Variants in PPFIA4 observed in about 807,000 individuals in gnomAD.
PPFIA4 encodes PPFI scaffold protein A4.
In PPFIA4, 98 loss-of-function variants were observed where a neutral mutation model predicts 145.7. That is an observed-to-expected ratio of 0.67 (90% CI 0.57 to 0.80). The LOEUF (loss-of-function observed/expected upper bound fraction) is 0.80, where lower values mean the gene tolerates loss of function less well. PPFIA4 is among the 30% of genes least tolerant of loss of function. The pLI is 0.00. For missense variants in PPFIA4, 1,457 were observed against 1,632.7 expected (o/e 0.89, Z 1.85); for synonymous variants, 628 against 649.6 (o/e 0.97, Z 0.51).
intron 15 of PPFIA4, among the ~76,000 whole-genome samples, chr1:203,054,941 C>T (rs954680432): frequency 6.6e-6 from 1 of 151,944 alleles, no homozygotes; most frequent in African/African-American, 2.4e-5. Context: ...TGTGTGTGTG[C>T]GTGTGCATGC....
Position 203,075,715 on chromosome 1 carries a change from C to G in PPFIA4, c.3532C>G (p.Leu1178Val). The change falls in exon 29 of 30, where the codon CTG (leucine) becomes GTG (valine). Residue 1178 changes from leucine (L) to valine (V), a missense_variant. Around this residue, in one of 3 missense-constraint regions of PPFIA4, gnomAD observed 146 missense variants for 126.2 expected, o/e 1.16. Coordinates refer to ENST00000295706, the MANE Select transcript of PPFIA4 (RefSeq NM_001304331.2). This position sits in a 1 kb window ranked among gnomAD's most constrained non-coding sequence, Gnocchi z 4.1. Reference sequence around the variant, plus strand: ...CTTCCGTGTGTCCACCCTGGGGACCCTGCAGCCCCCACCGGCCCCGCCAAA... The same window carrying G: ...CTTCCGTGTGTCCACCCTGGGGACCGTGCAGCCCCCACCGGCCCCGCCAAA... ...AGFRVSTLGT[L>V]QPPPAPPKKI... 1 of 1,411,026 alleles carries G rather than the reference C, an allele frequency of 7.1e-7. No homozygotes were observed. The highest frequency in any genetic ancestry group is 9.3e-7 in the Non-Finnish European group (1 of 1,076,652). 87.4% of individuals were successfully genotyped at this position (1,411,026 alleles called of 1,614,324 possible). A position where few individuals can be genotyped will look rare whatever the true frequency, so the allele number is the denominator to read the frequency against.
intron 25 of PPFIA4, 129 bp downstream of exon 25, chr1:203,064,132 C>T (rs576746363): frequency 1.0e-6 from 1 of 990,678 alleles, no homozygotes. Flanking sequence ...CAGGTCTCCC[C>T]CTTGGGAAAG....
chr1:203,053,833 C>T lies in PPFIA4; in HGVS notation c.1701C>T (p.Asp567=), dbSNP rs765886645. The change falls in exon 15 of 30, where the codon GAC becomes GAT. Residue 567 remains aspartate (D), a synonymous_variant. Coordinates refer to ENST00000295706, the MANE Select transcript of PPFIA4 (RefSeq NM_001304331.2). The stretch of plus-strand genomic sequence containing the variant: ...TTGACAGTGACCCTGAGATCTCCGA[C>T]GTGGATGAGGATGAGCCAGGGGGTC... ...PAFDSDPEIS[D]VDEDEPGGLV... The T allele has an allele frequency of 5.2e-5, 81 of 1,553,976 alleles. No homozygotes were observed. The highest frequency in any genetic ancestry group is 6.6e-5 in the Non-Finnish European group (76 of 1,148,314).
chr1:203,048,103 G>A lies in PPFIA4; in HGVS notation c.1141-124G>A. The A allele has an allele frequency of 1.3e-6, 1 of 795,852 alleles. No homozygotes were observed. Among genetic ancestry groups the A allele is most frequent in the Admixed American group, 2.2e-5 (1 of 45,134 alleles). The allele number at this position is 795,852 out of a possible 1,614,324, so 49.3% of individuals were successfully genotyped here. A position where few individuals can be genotyped will look rare whatever the true frequency, so the allele number is the denominator to read the frequency against. ...TGCTCCAAGATGATAAGTGGAGGCT[G>A]AGCGTCACTGGTACTGGGGGCCATG... On this transcript the variant is annotated intron_variant, in intron 9 of 29. Coordinates refer to ENST00000295706, the MANE Select transcript of PPFIA4 (RefSeq NM_001304331.2). The surrounding 1 kb of genome is among the most constrained non-coding windows in gnomAD (Gnocchi z 5.8).
intron 27 of PPFIA4, among the ~76,000 whole-genome samples, chr1:203,070,642 T>A (rs1662090449): frequency 1.3e-5 from 2 of 151,830 alleles, no homozygotes; most frequent in South Asian, 4.2e-4. Flanking sequence ...TGAAAACTTT[T>A]CTGTTTTTGG....
intron 19 of PPFIA4, among the ~76,000 whole-genome samples, chr1:203,057,865 A>T (rs1268302013): frequency 6.6e-6 from 1 of 152,130 alleles, no homozygotes; most frequent in Non-Finnish European, 1.5e-5. Flanking sequence ...TAGCCGAGCC[A>T]GGGAGACATC....
chr1:203,071,019 A>G (rs1288669045), intron 27 of PPFIA4, among the ~76,000 whole-genome samples: 1 of 150,440 alleles, frequency 6.6e-6, no homozygotes, highest in Non-Finnish European at 1.5e-5. Context: ...AGGTGTGATC[A>G]TAGCTCACTG....
intron 27 of PPFIA4, among the ~76,000 whole-genome samples, 154 bp from the exon 28 acceptor site, chr1:203,071,538 A>G (rs1261991013): frequency 6.6e-6 from 1 of 152,174 alleles, no homozygotes; most frequent in East Asian, 1.9e-4. Context: ...TTGAAGGAGC[A>G]GCTTCAAAAA....
intron 1 of PPFIA4, among the ~76,000 whole-genome samples, chr1:203,029,187 A>T (rs1658646799): frequency 6.6e-6 from 1 of 152,184 alleles, no homozygotes; most frequent in African/African-American, 2.4e-5. Flanking sequence ...CTGCACAAGA[A>T]GCACGATTGC....
chr1:203,060,346 C>A lies in PPFIA4; in HGVS notation c.2713C>A (p.Leu905Ile), dbSNP rs758172260. Residue 905 changes from leucine to isoleucine, a missense_variant, in exon 22 of 30, where the codon CTC becomes ATC. Physicochemically the swap from Leu to Ile is conservative, Grantham distance 5. Around this residue, in one of 3 missense-constraint regions of PPFIA4, gnomAD observed 848 missense variants for 1,046.7 expected, o/e 0.81. Coordinates refer to ENST00000295706, the MANE Select transcript of PPFIA4 (RefSeq NM_001304331.2). The surrounding 1 kb of genome is among the most constrained non-coding windows in gnomAD (Gnocchi z 4.8). ...EIGISNALHR[L>I]KLRLAIQEMV... ...CGGCATCAGCAATGCCCTGCACCGG[C>A]TCAAGCTCCGCCTGGCCATTCAGGA... 15 of 1,614,072 alleles carry A rather than the reference C, an allele frequency of 9.3e-6. No individual in the cohort carries two copies. Among genetic ancestry groups the A allele is most frequent in the Non-Finnish European group, 1.3e-5 (15 of 1,179,920 alleles).
intron 14 of PPFIA4, among the ~76,000 whole-genome samples, chr1:203,053,263 T>C (rs964355758): frequency 6.7e-6 from 1 of 150,280 alleles, no homozygotes. Context: ...CCGGGCACGG[T>C]GGCTCACGCT....
At position 203,051,858 on chromosome 1, in the gene PPFIA4, T is replaced by C. The variant is rs1267263316; in HGVS notation, c.1601T>C (p.Leu534Ser). The change falls in exon 14 of 30, where the codon TTG becomes TCG. Residue 534 changes from leucine (L) to serine (S), a missense_variant. By Grantham distance (145) the Leu-to-Ser change is moderately radical. Coordinates refer to ENST00000295706, the MANE Select transcript of PPFIA4 (RefSeq NM_001304331.2). ...GGCGTGCATCGCCGCTACTCGGCAT[T>C]GAGGGAAGAGTCTGCCAAGGTGAGG... ...PPGVHRRYSA[L>S]REESAKDWET... 1 of 1,613,596 alleles carries C rather than the reference T, an allele frequency of 6.2e-7. No homozygotes were observed. Among genetic ancestry groups the C allele is most frequent in the African/African-American group, 1.3e-5 (1 of 75,054 alleles).
At chr1:203,062,551 T>C (rs956777623) in intron 24 of PPFIA4, among the ~76,000 whole-genome samples, 9 of 110,618 alleles carry the variant, frequency 8.1e-5, no homozygotes, top group African/African-American at 2.9e-4. Context: ...TATTGGATAG[T>C]GATGCGAGCT....
At chr1:203,064,925 C>T (rs1407626624) in intron 25 of PPFIA4, among the ~76,000 whole-genome samples, 1 of 152,232 alleles carries the variant, frequency 6.6e-6, no homozygotes, top group Non-Finnish European at 1.5e-5. Flanking sequence ...TCCTTCTTAA[C>T]ATCCAGCTTC....
rs748088835 is a variant in PPFIA4, at chr1:203,051,886, G to T, written c.1620+9G>T. On this transcript the variant is annotated intron_variant, in intron 14 of 29. Coordinates refer to ENST00000295706, the MANE Select transcript of PPFIA4 (RefSeq NM_001304331.2). ...GGGAAGAGTCTGCCAAGGTGAGGGG[G>T]TGGAGGGATCTCCTCAGGGAGTTTG... The T allele has an allele frequency of 5.6e-6, 9 of 1,612,206 alleles. No homozygotes were observed. In the African/African-American group the frequency reaches 1.1e-4, roughly 19 times the overall value.
chr1:203,053,007 G>A (rs80041427), intron 14 of PPFIA4, among the ~76,000 whole-genome samples: 1,678 of 152,328 alleles, frequency 0.011, 14 homozygotes, highest in Non-Finnish European at 0.018. Flanking sequence ...ACAGTGCTAA[G>A]GGCTTTACAT....
intron 1 of PPFIA4, chr1:203,037,044 C>T (rs1659327317): frequency 4.6e-6 from 1 of 216,350 alleles, no homozygotes; most frequent in South Asian, 4.4e-5. Flanking sequence ...CCTGCTTGCA[C>T]TACTGCGCCC....
Position 203,075,670 on chromosome 1 carries a change from G to A in PPFIA4, c.3487G>A (p.Ala1163Thr), listed in dbSNP as rs779023728. The change falls in exon 29 of 30, where the codon GCG (alanine) becomes ACG (threonine). Residue 1163 changes from alanine (A) to threonine (T), a missense_variant. Physicochemically the swap from Ala to Thr is moderately conservative, Grantham distance 58. Transcript: ENST00000295706. The surrounding 1 kb of genome is among the most constrained non-coding windows in gnomAD (Gnocchi z 4.1). ...HGRGGMLSAS[A>T]ETLPAGFRVS... ...TCGCGGCGGCATGCTCAGCGCTTCC[G>A]CGGAGACCCTCCCGGCGGGCTTCCG... 7 of 1,504,902 alleles carry A rather than the reference G, an allele frequency of 4.7e-6. No individual in the cohort carries two copies. The highest frequency in any genetic ancestry group is 2.6e-5 in the South Asian group (2 of 78,310). The allele number at this position is 1,504,902 out of a possible 1,614,324, so 93.2% of individuals were successfully genotyped here.
Position 203,063,847 on chromosome 1 carries a change from T to C in PPFIA4, c.2894T>C (p.Met965Thr). ...CCCTAGACCCTGGCCTATGGGGACA[T>C]GAACCATGAGTGGATTGGGAATGAA... ...SWAQTLAYGD[M>T]NHEWIGNEWL... The change falls in exon 25 of 30, where the codon ATG becomes ACG. Residue 965 changes from methionine (M) to threonine (T), a missense_variant. Coordinates refer to ENST00000295706, the MANE Select transcript of PPFIA4 (RefSeq NM_001304331.2). 15 of 1,613,984 alleles carry C rather than the reference T, an allele frequency of 9.3e-6. No homozygotes were observed. The highest frequency in any genetic ancestry group is 1.3e-5 in the Non-Finnish European group (15 of 1,179,888).
Sources: allele counts gnomAD v4.1 joint callset (sites outside exome capture counted in the v4.1 genomes callset), GRCh38; gene constraint gnomAD v4.1.1; regional missense constraint gnomAD v4.1.1; non-coding constraint Gnocchi (gnomAD v3.1); transcripts MANE v1.5; gene names NCBI Gene and HGNC (gene_info 2026-07-23, HGNC 2026-07-21).